The following EYS variants were observed in gnomAD, a reference collection of about 807,000 sequenced individuals.
The protein encoded by EYS is EGF-like photoreceptor maintenance factor.
EYS carries 250 observed loss-of-function variants against 282.1 expected under a neutral mutation model. The observed-to-expected ratio is 0.89, with a 90% CI of 0.80 to 0.98. The LOEUF is 0.98. Ranked by LOEUF, EYS falls within the 50% of genes least tolerant of loss-of-function variation. EYS has a pLI of 0.00. For synonymous variants in EYS, 1,355 were observed against 1,282.9 expected, an observed-to-expected ratio of 1.06 and a Z score of -1.20; for missense variants, 4,016 against 3,709.0, an observed-to-expected ratio of 1.08 and a Z score of -2.15.
At chr6:65,593,415 G>C (rs1397527005) in intron 2 of EYS, among the ~76,000 whole-genome samples, 3 of 152,170 alleles carry the variant, frequency 2.0e-5, no homozygotes, top group Middle Eastern at 6.8e-3. Context: ...TGCAAGCTAA[G>C]AGTTGAAAAT....
At chr6:65,316,668 C>T (rs1305926045) in intron 11 of EYS, among the ~76,000 whole-genome samples, 1 of 151,676 alleles carries the variant, frequency 6.6e-6, no homozygotes, top group Non-Finnish European at 1.5e-5. Flanking sequence ...GTGTGATGTT[C>T]CCCTCCTTGT....
chr6:64,789,145 C>A (rs1477017767), intron 22 of EYS, among the ~76,000 whole-genome samples: 4 of 152,172 alleles, frequency 2.6e-5, no homozygotes, highest in African/African-American at 4.8e-5. Flanking sequence ...TTATCCACTT[C>A]TATTTTCAAC....
chr6:65,267,500 G>A (rs1439616613), intron 12 of EYS, among the ~76,000 whole-genome samples: 1 of 151,830 alleles, frequency 6.6e-6, no homozygotes, highest in Non-Finnish European at 1.5e-5. Flanking sequence ...GTTTTCCATG[G>A]GGTTTCACCC....
At chr6:65,090,061 G>C (rs1206215301) in intron 12 of EYS, among the ~76,000 whole-genome samples, 1 of 151,396 alleles carries the variant, frequency 6.6e-6, no homozygotes, top group Non-Finnish European at 1.5e-5. Context: ...CCATAATTCT[G>C]TTTTGAAATA....
At chr6:64,082,041 T>C in intron 31 of EYS, 39 bp from the exon 32 acceptor site, 1 of 1,335,716 alleles carries the variant, frequency 7.5e-7, no homozygotes, top group Non-Finnish European at 1.0e-6. Flanking sequence ...CTGATAGCAT[T>C]ATATTGCTAC....
chr6:65,378,616 A>G (rs1765485092), intron 8 of EYS, among the ~76,000 whole-genome samples: 1 of 152,194 alleles, frequency 6.6e-6, no homozygotes, highest in Non-Finnish European at 1.5e-5. Flanking sequence ...TCACAATAGC[A>G]AAGACTTGGA....
At chr6:64,359,656 T>C (rs1234522358) in intron 29 of EYS, among the ~76,000 whole-genome samples, 1 of 151,688 alleles carries the variant, frequency 6.6e-6, no homozygotes, top group Non-Finnish European at 1.5e-5. Context: ...GTGAATTCGG[T>C]TTCTGGTAAG....
intron 22 of EYS, among the ~76,000 whole-genome samples, chr6:64,627,805 G>T (rs1013409986): frequency 3.9e-5 from 6 of 152,120 alleles, no homozygotes; most frequent in Non-Finnish European, 8.8e-5. Context: ...TAGGGCCGGG[G>T]GCGGTGGCTC....
intron 29 of EYS, among the ~76,000 whole-genome samples, chr6:64,327,329 G>A (rs530554477): frequency 1.2e-4 from 19 of 152,226 alleles, no homozygotes; most frequent in African/African-American, 2.4e-4. Context: ...AAAGCACCTC[G>A]CAAGGGAGGA....
intron 12 of EYS, among the ~76,000 whole-genome samples, chr6:65,261,055 G>A (rs1767606962): frequency 6.6e-6 from 1 of 151,946 alleles, no homozygotes; most frequent in Non-Finnish European, 1.5e-5. Flanking sequence ...GGGGAACTTT[G>A]CACTTCACTG....
chr6:65,271,573 T>A (rs1306782819), intron 12 of EYS, among the ~76,000 whole-genome samples: 1 of 151,982 alleles, frequency 6.6e-6, no homozygotes, highest in African/African-American at 2.4e-5. Context: ...GTCAAGTTTT[T>A]AATTTTTTTT....
At chr6:65,235,772 AT>A (rs1766907204) in intron 12 of EYS, among the ~76,000 whole-genome samples, 1 of 152,132 alleles carries the variant, frequency 6.6e-6, no homozygotes, top group African/African-American at 2.4e-5. Flanking sequence ...AGCAAAATAT[AT>A]ACATTGTAGT....
At chr6:65,491,643 TC>T in intron 4 of EYS, 1 of 401,520 alleles carries the variant, frequency 2.5e-6, no homozygotes, top group Admixed American at 3.1e-5. Flanking sequence ...TCATTGTGTT[TC>T]AAAAGGTTCT....
chr6:64,754,926 T>A (rs1212781241), intron 22 of EYS, among the ~76,000 whole-genome samples: 1 of 152,040 alleles, frequency 6.6e-6, no homozygotes, highest in Non-Finnish European at 1.5e-5. Flanking sequence ...AACACAATAA[T>A]GGAAGTCTTT....
chr6:65,425,805 C>G (rs535626100), intron 5 of EYS, among the ~76,000 whole-genome samples: 42 of 152,174 alleles, frequency 2.8e-4, no homozygotes, highest in African/African-American at 9.6e-4. Context: ...AACTGGTCAT[C>G]TCAGCAGGTA....
At position 64,590,644 on chromosome 6, in the gene EYS, A is replaced by C. The variant is rs1308362084; in HGVS notation, c.5223T>G (p.Asp1741Glu). The change falls in exon 26 of 43, where the codon GAT (aspartate) becomes GAG (glutamate). Residue 1741 changes from aspartate to glutamate, a missense_variant. By Grantham distance (45) the Asp-to-Glu change is conservative (BLOSUM62 2). Coordinates refer to ENST00000503581, the MANE Select transcript of EYS (RefSeq NM_001142800.2). ...AGTTTAACTCAAAATCCAGAGAACTATCACTTGGGTGAAGTTTGAACAGTG... is the reference window on the plus strand; with the variant it reads ...AGTTTAACTCAAAATCCAGAGAACTCTCACTTGGGTGAAGTTTGAACAGTG... ...SHTLFKLHPS[D>E]SSLDFELNLQ... The C allele has an allele frequency of 6.4e-7, 1 of 1,551,206 alleles. No homozygotes were observed. Among genetic ancestry groups the C allele is most frequent in the Non-Finnish European group, 8.7e-7 (1 of 1,146,752 alleles).
rs141489148 is a variant in EYS, at chr6:64,450,136, G to A, written c.5645-10784C>T. On this transcript the variant is annotated intron_variant, in intron 26 of 42. Coordinates refer to ENST00000503581, the MANE Select transcript of EYS (RefSeq NM_001142800.2). ...CATCTCGCATGCAGAGACACACATA[G>A]GCTCAAAATAAAGGGATGGAAGAAG... Among the ~76,000 whole-genome samples the A allele has an allele frequency of 2.9e-3, 447 of 151,738 alleles. 2 individuals are homozygous for A. Among genetic ancestry groups the A allele is most frequent in the African/African-American group, 0.01 (416 of 41,332 alleles).
chr6:64,136,658 T>G (rs1181563883), intron 31 of EYS, among the ~76,000 whole-genome samples: 1 of 152,156 alleles, frequency 6.6e-6, no homozygotes, highest in African/African-American at 2.4e-5. Context: ...CAGACACATT[T>G]GTCATGAGCA....
chr6:64,240,859 G>T lies in EYS; in HGVS notation c.6192-10035C>A, dbSNP rs573380528. 2.0e-5 allele frequency among the ~76,000 whole-genome samples: 3 copies of T among 152,206 alleles called. No homozygotes were observed. In the East Asian group the frequency reaches 5.8e-4, roughly 29 times the overall value. ...TTCAGAAGGAATGGTTCCATGTTTT[G>T]CCCATTCAGTATGATATTGGTTATA... On this transcript the variant is annotated intron_variant, in intron 30 of 42. Coordinates refer to ENST00000503581, the MANE Select transcript of EYS (RefSeq NM_001142800.2).
Sources: gnomAD v4.1 joint callset for allele counts (sites outside exome capture counted in the v4.1 genomes callset) on GRCh38, gnomAD v4.1.1 for gene constraint, MANE v1.5 for transcripts, NCBI Gene and HGNC (gene_info 2026-07-23, HGNC 2026-07-21) for gene names.